CCDC91: variants seen among roughly 807,000 people sequenced by gnomAD.
CCDC91 encodes the protein coiled-coil domain-containing protein 91.
Under a neutral mutation model 63.2 loss-of-function variants are expected in CCDC91, and 48 were observed. The ratio of observed to expected loss-of-function variants is 0.76; its 90% confidence interval spans 0.60 to 0.97. The LOEUF is 0.97. Ranked by LOEUF, CCDC91 falls within the 50% of genes least tolerant of loss-of-function variation. The pLI, the probability that CCDC91 is intolerant of heterozygous loss-of-function variation, is 0.00. For missense variants in CCDC91, 500 were observed against 494.6 expected (o/e 1.01, Z -0.10); for synonymous variants, 167 against 165.8 (o/e 1.01, Z -0.06).
intron 12 of CCDC91, among the ~76,000 whole-genome samples, chr12:28,526,948 C>T (rs188444070): frequency 1.3e-5 from 2 of 152,058 alleles, no homozygotes; most frequent in African/African-American, 4.8e-5. Flanking sequence ...CCATCATTTC[C>T]TGAAGGTTTA....
intron 11 of CCDC91, among the ~76,000 whole-genome samples, chr12:28,477,832 G>A (rs982928504): frequency 1.3e-5 from 2 of 152,060 alleles, no homozygotes; most frequent in Non-Finnish European, 2.9e-5. Context: ...GACAAACAGA[G>A]AGCCAAATCA....
At chr12:28,465,901 G>A (rs192932546) in intron 11 of CCDC91, among the ~76,000 whole-genome samples, 2 of 152,208 alleles carry the variant, frequency 1.3e-5, no homozygotes, top group East Asian at 3.9e-4. Context: ...TGGCTGTTTT[G>A]AGGAAACTCA....
intron 3 of CCDC91, among the ~76,000 whole-genome samples, chr12:28,293,727 T>C (rs957828945): frequency 6.6e-6 from 1 of 152,062 alleles, no homozygotes; most frequent in African/African-American, 2.4e-5. Flanking sequence ...TCCTTGTCTG[T>C]ATTTTTTTTT....
intron 6 of CCDC91, among the ~76,000 whole-genome samples, chr12:28,324,848 A>G (rs1009468337): frequency 3.3e-5 from 5 of 151,856 alleles, no homozygotes; most frequent in African/African-American, 9.7e-5. Context: ...CTAGACCGTA[A>G]GAACCATACA....
chr12:28,239,792 A>G (rs1158879128), intron 1 of CCDC91, among the ~76,000 whole-genome samples: 1 of 152,088 alleles, frequency 6.6e-6, no homozygotes, highest in Admixed American at 6.6e-5. Flanking sequence ...AAAAGAACTT[A>G]TAATTGCATG....
At chr12:28,498,685 A>T (rs954345026) in intron 12 of CCDC91, among the ~76,000 whole-genome samples, 1 of 151,696 alleles carries the variant, frequency 6.6e-6, no homozygotes, top group East Asian at 1.9e-4. Flanking sequence ...ACTTTATAGT[A>T]TCACTACTCT....
chr12:28,228,203 C>G (rs1944389123), intron 1 of CCDC91, among the ~76,000 whole-genome samples: 1 of 151,956 alleles, frequency 6.6e-6, no homozygotes, highest in South Asian at 2.1e-4. Flanking sequence ...ATAAACCTGT[C>G]CTTTTGGCTA....
At chr12:28,354,525 C>A (rs1198786750) in intron 6 of CCDC91, among the ~76,000 whole-genome samples, 1 of 152,082 alleles carries the variant, frequency 6.6e-6, no homozygotes, top group Non-Finnish European at 1.5e-5. Context: ...CATAATTCAA[C>A]CCACTACAAG....
intron 8 of CCDC91, among the ~76,000 whole-genome samples, chr12:28,431,504 T>C (rs1405811696): frequency 6.6e-6 from 1 of 152,162 alleles, no homozygotes. Flanking sequence ...ATATAACTAT[T>C]TCAGTTTTAT....
chr12:28,335,375 T>C (rs1941887423), intron 6 of CCDC91, among the ~76,000 whole-genome samples: 1 of 133,144 alleles, frequency 7.5e-6, no homozygotes, highest in African/African-American at 2.6e-5. Context: ...ATATAAAATA[T>C]ATATTTATAT....
At chr12:28,509,440 G>A (rs890197199) in intron 12 of CCDC91, among the ~76,000 whole-genome samples, 8 of 151,780 alleles carry the variant, frequency 5.3e-5, no homozygotes, top group Non-Finnish European at 7.4e-5. Context: ...GTGTCATCAT[G>A]AAAGACTGAG....
chr12:28,393,449 T>C (rs902763473), intron 8 of CCDC91, among the ~76,000 whole-genome samples: 2 of 152,152 alleles, frequency 1.3e-5, no homozygotes, highest in African/African-American at 4.8e-5. Context: ...TATGTTTATA[T>C]GCTTTGAACC....
chr12:28,400,069 G>A (rs190334910), intron 8 of CCDC91, among the ~76,000 whole-genome samples: 1 of 152,276 alleles, frequency 6.6e-6, no homozygotes, highest in Admixed American at 6.5e-5. Flanking sequence ...CTTCCTCACT[G>A]CCCTAGCAGA....
At chr12:28,509,424 T>C (rs1939119414) in intron 12 of CCDC91, among the ~76,000 whole-genome samples, 1 of 151,840 alleles carries the variant, frequency 6.6e-6, no homozygotes, top group African/African-American at 2.4e-5. Context: ...AGTAGTGGAA[T>C]TGCATGTGTC....
At chr12:28,491,861 T>TTGTG (rs35451448) in intron 12 of CCDC91, among the ~76,000 whole-genome samples, 3,245 of 145,190 alleles carry the variant, frequency 0.022, 74 homozygotes, top group East Asian at 0.077. Flanking sequence ...GTCAAAAATT[T>TTGTG]TGTGTGTGTG....
intron 3 of CCDC91, among the ~76,000 whole-genome samples, chr12:28,277,056 A>AG (rs1348769036): frequency 1.3e-5 from 2 of 152,014 alleles, no homozygotes; most frequent in African/African-American, 4.8e-5. Context: ...TATAACTTAC[A>AG]GTGATATAGT....
chr12:28,420,157 C>G (rs1475682677), intron 8 of CCDC91, among the ~76,000 whole-genome samples: 2 of 152,038 alleles, frequency 1.3e-5, no homozygotes, highest in East Asian at 3.9e-4. Flanking sequence ...TAACCAGTAA[C>G]TAATAGGTAA....
At chr12:28,220,926 T>C (rs770810662) in intron 1 of CCDC91, among the ~76,000 whole-genome samples, 1 of 152,076 alleles carries the variant, frequency 6.6e-6, no homozygotes, top group Admixed American at 6.6e-5. Context: ...TTTCTTTATG[T>C]TTGTTCTTTC....
intron 1 of CCDC91, among the ~76,000 whole-genome samples, chr12:28,231,521 A>G (rs1465349622): frequency 2.6e-5 from 4 of 152,114 alleles, no homozygotes; most frequent in Admixed American, 6.6e-5. Context: ...TGATTTCCTA[A>G]AAGTCTAGTG....
Sources: allele counts gnomAD v4.1 joint callset (sites outside exome capture counted in the v4.1 genomes callset), GRCh38; gene constraint gnomAD v4.1.1; transcripts MANE v1.5; gene names NCBI Gene and HGNC (gene_info 2026-07-23, HGNC 2026-07-21).